SDK2: variants seen among roughly 807,000 people sequenced by gnomAD.
SDK2 encodes the protein protein sidekick-2.
In SDK2, 105 loss-of-function variants were observed where a neutral mutation model predicts 253.9. The ratio of observed to expected loss-of-function variants is 0.41; its 90% CI spans 0.35 to 0.49. The LOEUF is 0.49. Ranked by LOEUF, SDK2 falls within the 20% of genes least tolerant of loss-of-function variation. The pLI, the probability that SDK2 is intolerant of heterozygous loss-of-function variation, is 0.06. For synonymous variants in SDK2, 1,249 were observed against 1,234.9 expected (o/e 1.01, Z -0.24); for missense variants, 2,608 against 3,003.0 (o/e 0.87, Z 3.07).
rs1265246544 is a variant in SDK2 at position 73,336,385 on chromosome 17, G to A, written c.*2202C>T. On this transcript the variant is annotated 3_prime_UTR_variant, in exon 45 of 45. Coordinates refer to ENST00000392650, the MANE Select transcript of SDK2 (RefSeq NM_001144952.2). ...AGGCCCCGAGAGCACCTTACTTCCT[G>A]GAGGGGCAGAACCTCAGCCCTTGGT... 2 of 152,150 alleles carry A rather than the reference G, an allele frequency of 1.3e-5. No individual in the cohort carries two copies. The highest frequency in any genetic ancestry group is 2.9e-5 in the Non-Finnish European group (2 of 68,036). 9.4% of individuals were successfully genotyped at this position (152,150 alleles called of 1,614,324 possible).
intron 40 of SDK2, among the ~76,000 whole-genome samples, chr17:73,355,812 T>A (rs79246393): frequency 0.01 from 1,572 of 152,338 alleles, 29 homozygotes; most frequent in African/African-American, 0.035. Context: ...CTTTCCTCCC[T>A]GGCCTTTTCA....
At chr17:73,380,025 C>G (rs1486762548) in intron 34 of SDK2, among the ~76,000 whole-genome samples, 2 of 152,092 alleles carry the variant, frequency 1.3e-5, no homozygotes, top group Non-Finnish European at 2.9e-5. Context: ...ACTAAGAAAC[C>G]TGATGTTTCT....
intron 38 of SDK2, among the ~76,000 whole-genome samples, chr17:73,363,272 C>T (rs541283649): frequency 8.5e-5 from 13 of 152,218 alleles, no homozygotes; most frequent in East Asian, 3.9e-4. Context: ...GATTTTGCCA[C>T]GTTGGTCAGG....
chr17:73,578,237 G>A (rs975350121), intron 1 of SDK2, among the ~76,000 whole-genome samples: 1 of 152,020 alleles, frequency 6.6e-6, no homozygotes, highest in Non-Finnish European at 1.5e-5. Flanking sequence ...TGTTTTGTGT[G>A]TATTTTTAGT....
chr17:73,571,642 C>T (rs929929826), intron 1 of SDK2, among the ~76,000 whole-genome samples: 19 of 152,350 alleles, frequency 1.2e-4, no homozygotes, highest in East Asian at 5.8e-4. Flanking sequence ...CGAGGAGCTC[C>T]GAGAGCTCTC....
rs75695622 is a variant in SDK2 at position 73,613,154 on chromosome 17, C to T, written c.64+30871G>A. On this transcript the variant is annotated intron_variant, in intron 1 of 44. Transcript: ENST00000392650. ...CATTTCAGGAGACTTTCTCCTGCAGCGCTAAGTGAGGCCCGGGTTAGAGAC... is the reference window on the plus strand; with the variant it reads ...CATTTCAGGAGACTTTCTCCTGCAGTGCTAAGTGAGGCCCGGGTTAGAGAC... Among the ~76,000 whole-genome samples the T allele has an allele frequency of 1.7e-3, 262 of 152,268 alleles. 8 individuals carry two copies. In the East Asian group the frequency reaches 0.046, roughly 27 times the overall value.
In SDK2 at chr17:73,395,246, C is replaced by G; in HGVS notation, c.3501G>C (p.Glu1167Asp). Residue 1167 changes from glutamate (E) to aspartate (D), a missense_variant, in exon 25 of 45, where the codon GAG (glutamate) becomes GAC (aspartate). Coordinates refer to ENST00000392650, the MANE Select transcript of SDK2 (RefSeq NM_001144952.2). The surrounding 1 kb of genome is among the most constrained non-coding windows in gnomAD (Gnocchi z 4.3). ...GGACCTGGACGCGGTACTCTGTCCA[C>G]TCCTCCAGGTCCTCGATGGTGTAGT... is the stretch of plus-strand genomic sequence containing the variant. Reference protein sequence around the residue: ...ERDYTIEDLEEWTEYRVQVQA... With the variant: ...ERDYTIEDLEDWTEYRVQVQA... 1 of 1,613,760 alleles carries G rather than the reference C, an allele frequency of 6.2e-7. No individual in the cohort carries two copies.
At chr17:73,415,245 C>T (rs2063170745) in intron 17 of SDK2, among the ~76,000 whole-genome samples, 1 of 152,010 alleles carries the variant, frequency 6.6e-6, no homozygotes, top group Admixed American at 6.6e-5. Flanking sequence ...GCCACACAGC[C>T]AAGGCTCTCG....
chr17:73,518,270 C>A, intron 1 of SDK2: 1 of 152,264 alleles, frequency 6.6e-6, no homozygotes, highest in East Asian at 1.9e-4. Context: ...CACCTGGGTT[C>A]AAACCCAGTG....
At chr17:73,376,505 C>A (rs545463313) in intron 36 of SDK2, among the ~76,000 whole-genome samples, 1 of 152,324 alleles carries the variant, frequency 6.6e-6, no homozygotes, top group Admixed American at 6.5e-5. Context: ...GATGTTCGTG[C>A]GTGTTGATGT....
rs746769118 is a variant in SDK2, at chr17:73,383,859, T to C, written c.4705+17A>G. The C allele has an allele frequency of 1.8e-5, 29 of 1,613,698 alleles. No homozygotes were observed. Among genetic ancestry groups the C allele is most frequent in the Non-Finnish European group, 2.4e-5 (28 of 1,179,658 alleles). ...CCCCCATCCCACCCATTCCTCTGGC[T>C]CCCAAGTGTCACTCACAGGTAAGCT... On this transcript the variant is annotated intron_variant, in intron 33 of 44. Transcript: ENST00000392650. This position sits in a 1 kb window ranked among gnomAD's most constrained non-coding sequence, Gnocchi z 4.3.
At chr17:73,596,624 C>T (rs1048715344) in intron 1 of SDK2, among the ~76,000 whole-genome samples, 14 of 152,168 alleles carry the variant, frequency 9.2e-5, no homozygotes, top group Admixed American at 9.2e-4. Context: ...CACAGCCAAC[C>T]CCCTTCCCAG....
Position 73,338,934 on chromosome 17 carries a change from C to T in SDK2, c.6172G>A (p.Asp2058Asn). ...TTTGAGTCGACCTCGTACTCGCTGT[C>T]ACTTCCCTGGGAGGACAGAGAATCA... is the stretch of plus-strand genomic sequence containing the variant. Reference protein sequence around the residue: ...PSEISDSQGSDSEYEVDSNHQ... With the variant: ...PSEISDSQGSNSEYEVDSNHQ... The change falls in exon 45 of 45, where the codon GAC becomes AAC. Residue 2058 changes from aspartate (D) to asparagine (N), a missense_variant. This residue lies in a region of SDK2 where 1,103 missense variants were observed against 1,143.9 expected (regional missense o/e 0.96). Coordinates refer to ENST00000392650, the MANE Select transcript of SDK2 (RefSeq NM_001144952.2). The surrounding 1 kb of genome is among the most constrained non-coding windows in gnomAD (Gnocchi z 5.0). 6.2e-7 allele frequency: 1 copy of T among 1,613,950 alleles called. No homozygotes were observed. The highest frequency in any genetic ancestry group is 8.5e-7 in the Non-Finnish European group (1 of 1,179,836).
chr17:73,468,509 CTT>C (rs373564063), intron 3 of SDK2, among the ~76,000 whole-genome samples: 1 of 151,998 alleles, frequency 6.6e-6, no homozygotes, highest in Non-Finnish European at 1.5e-5. Context: ...AAAGTCCACT[CTT>C]TTTATTTTAT....
intron 1 of SDK2, among the ~76,000 whole-genome samples, chr17:73,578,227 T>C (rs2045484215): frequency 6.6e-6 from 1 of 151,964 alleles, no homozygotes; most frequent in Admixed American, 6.6e-5. Context: ...ACCTGGCTAA[T>C]GTTTTGTGTG....
Position 73,618,933 on chromosome 17 carries a change from A to G in SDK2, c.64+25092T>C, listed in dbSNP as rs1193696493. 6.6e-6 allele frequency among the ~76,000 whole-genome samples: 1 copy of G among 152,142 alleles called. No homozygotes were observed. The highest frequency in any genetic ancestry group is 1.5e-5 in the Non-Finnish European group (1 of 68,024). On this transcript the variant is annotated intron_variant, in intron 1 of 44. Transcript: ENST00000392650. This position sits in a 1 kb window ranked among gnomAD's most constrained non-coding sequence, Gnocchi z 4.1. Reference sequence around the variant, plus strand: ...TGTAATCCCAGCACTTTGGGAGGCCAAGGCGGGTGGATCACTTGAGGTCAG... The same window carrying G: ...TGTAATCCCAGCACTTTGGGAGGCCGAGGCGGGTGGATCACTTGAGGTCAG...
At chr17:73,626,032 C>T (rs367558748) in intron 1 of SDK2, among the ~76,000 whole-genome samples, 4 of 152,026 alleles carry the variant, frequency 2.6e-5, no homozygotes, top group South Asian at 2.1e-4. Flanking sequence ...ACCCCCTTTC[C>T]GAGCTGCTCC....
chr17:73,398,516 G>T (rs117317614), intron 22 of SDK2, 87 bp from the exon 23 acceptor site: 2 of 1,207,264 alleles, frequency 1.7e-6, no homozygotes, highest in Non-Finnish European at 2.4e-6. Flanking sequence ...TGCCAGGGAA[G>T]AAGTTGGTTC....
intron 2 of SDK2, among the ~76,000 whole-genome samples, chr17:73,475,249 T>G (rs374606164): frequency 3.9e-5 from 6 of 152,308 alleles, no homozygotes; most frequent in South Asian, 2.1e-4. Context: ...CCCACCAGGT[T>G]CAAGCAATTC....
Sources: allele counts gnomAD v4.1 joint callset (sites outside exome capture counted in the v4.1 genomes callset), GRCh38; gene constraint gnomAD v4.1.1; regional missense constraint gnomAD v4.1.1; non-coding constraint Gnocchi (gnomAD v3.1); transcripts MANE v1.5; gene names NCBI Gene and HGNC (gene_info 2026-07-23, HGNC 2026-07-21).